POR: variants seen among roughly 807,000 people sequenced by gnomAD.
POR encodes the protein NADPH--cytochrome P450 reductase.
In POR, 56 loss-of-function variants were observed where a neutral mutation model predicts 84.0. The ratio of observed to expected loss-of-function variants is 0.67; its 90% CI spans 0.54 to 0.83. The LOEUF is 0.83. Among genes scored for constraint, POR ranks in the 40% least tolerant of loss-of-function variants. The pLI is 0.00. For synonymous variants in POR, 414 were observed against 400.5 expected, an observed-to-expected ratio of 1.03 and a Z score of -0.40; for missense variants, 938 against 944.3, an observed-to-expected ratio of 0.99 and a Z score of 0.09.
intron 3 of POR, among the ~76,000 whole-genome samples, chr7:75,976,206 C>A (rs1788678557): frequency 1.3e-5 from 2 of 152,086 alleles, no homozygotes; most frequent in African/African-American, 4.8e-5. Context: ...TAATCATGAG[C>A]ACTTTCTCTT....
chr7:75,937,471 C>CA (rs782343328), intron 1 of POR, among the ~76,000 whole-genome samples: 1,525 of 20,014 alleles, frequency 0.076, 172 homozygotes, highest in African/African-American at 0.14. Context: ...GACCCTGTCT[C>CA]AAAAAAAAAA....
chr7:75,928,263 C>T (rs568489172), intron 1 of POR, among the ~76,000 whole-genome samples: 1 of 152,294 alleles, frequency 6.6e-6, no homozygotes, highest in Non-Finnish European at 1.5e-5. Context: ...GCCACCACAC[C>T]CGGCTTCTAT....
chr7:75,976,200 C>T (rs1434741824), intron 3 of POR, among the ~76,000 whole-genome samples: 1 of 152,106 alleles, frequency 6.6e-6, no homozygotes, highest in Non-Finnish European at 1.5e-5. Flanking sequence ...ACCTGATAAT[C>T]ATGAGCACTT....
Position 75,984,886 on chromosome 7 carries a change from G to A in POR, c.1176G>A (p.Leu392=). The A allele has an allele frequency of 1.2e-6, 2 of 1,612,436 alleles. No individual in the cohort carries two copies. Among genetic ancestry groups the A allele is most frequent in the Non-Finnish European group, 1.7e-6 (2 of 1,179,708 alleles). Reference sequence around the variant, plus strand: ...CGCGTACCAACGTGCTGTACGAGCTGGCGCAGTACGCCTCGGAGCCCTCGG... The same window carrying A: ...CGCGTACCAACGTGCTGTACGAGCTAGCGCAGTACGCCTCGGAGCCCTCGG... Residue 392 remains leucine (L), a synonymous_variant, in exon 11 of 16, where the codon CTG becomes CTA. Transcript: ENST00000461988.
chr7:75,977,053 A>G (rs953193020), intron 3 of POR, among the ~76,000 whole-genome samples: 1 of 152,078 alleles, frequency 6.6e-6, no homozygotes, highest in Non-Finnish European at 1.5e-5. Flanking sequence ...GGGTTTTGCC[A>G]TGTTGCCCAG....
At chr7:75,939,349 C>G (rs1335275283) in intron 1 of POR, among the ~76,000 whole-genome samples, 1 of 152,188 alleles carries the variant, frequency 6.6e-6, no homozygotes, top group Non-Finnish European at 1.5e-5. Flanking sequence ...GCCAGCGGAG[C>G]CCTCGTGCGG....
intron 3 of POR, 75 bp from the exon 4 acceptor site, chr7:75,979,376 C>G: frequency 6.4e-7 from 1 of 1,561,800 alleles, no homozygotes; most frequent in Non-Finnish European, 8.7e-7. Flanking sequence ...GCCTGCCAGG[C>G]CTGCCCAGTG....
intron 2 of POR, among the ~76,000 whole-genome samples, chr7:75,961,504 A>C (rs1310536852): frequency 6.6e-6 from 1 of 152,132 alleles, no homozygotes; most frequent in African/African-American, 2.4e-5. Context: ...AGAGTGCTTT[A>C]AAGAAAAATA....
intron 1 of POR, among the ~76,000 whole-genome samples, chr7:75,937,471 CA>C (rs782343328): frequency 0.03 from 610 of 20,140 alleles, 1 homozygote; most frequent in African/African-American, 0.035. Flanking sequence ...GACCCTGTCT[CA>C]AAAAAAAAAA....
intron 5 of POR, chr7:75,980,691 C>T (rs1337287041): frequency 6.5e-7 from 1 of 1,530,522 alleles, no homozygotes; most frequent in Non-Finnish European, 8.7e-7. Context: ...CCCCAGTCGG[C>T]TCCAGGGGGC....
intron 1 of POR, among the ~76,000 whole-genome samples, chr7:75,949,998 G>A (rs1303518434): frequency 1.3e-5 from 2 of 151,792 alleles, no homozygotes; most frequent in East Asian, 3.9e-4. Context: ...CTGTTTCTGG[G>A]ACTACAGGTG....
intron 3 of POR, among the ~76,000 whole-genome samples, chr7:75,974,014 T>C (rs1175812833): frequency 6.6e-6 from 1 of 152,096 alleles, no homozygotes; most frequent in African/African-American, 2.4e-5. Context: ...CAAAACAACT[T>C]GATATGTCTC....
intron 2 of POR, among the ~76,000 whole-genome samples, chr7:75,970,086 G>A (rs1187309892): frequency 6.6e-6 from 1 of 152,138 alleles, no homozygotes; most frequent in East Asian, 1.9e-4. Flanking sequence ...GGAAATGTGA[G>A]TAGCTTAGCG....
chr7:75,975,420 G>T (rs1371110168), intron 3 of POR, among the ~76,000 whole-genome samples: 2 of 152,084 alleles, frequency 1.3e-5, no homozygotes, highest in Non-Finnish European at 2.9e-5. Context: ...TGGGCAGGTC[G>T]CTTGAGCCCA....
chr7:75,981,281 C>T, intron 6 of POR, 109 bp downstream of exon 6: 1 of 1,423,722 alleles, frequency 7.0e-7, no homozygotes, highest in Non-Finnish European at 9.3e-7. Context: ...CGACACGCAC[C>T]TCCAACACAG....
At chr7:75,985,534 A>G in intron 12 of POR, 45 bp from the exon 13 acceptor site, 1 of 1,481,852 alleles carries the variant, frequency 6.7e-7, no homozygotes, top group Non-Finnish European at 9.0e-7. Flanking sequence ...GGGGCTGGGC[A>G]AGGGCCTCGG....
Position 75,951,753 on chromosome 7 carries a change from T to C in POR, c.-4-2236T>C, listed in dbSNP as rs200406639. Among the ~76,000 whole-genome samples, 15 of 152,344 alleles carry C rather than the reference T, an allele frequency of 9.8e-5. No individual in the cohort carries two copies. The East Asian group carries it at 2.5e-3, about 26-fold the overall frequency. On this transcript the variant is annotated intron_variant, in intron 1 of 15. Coordinates refer to ENST00000461988, the MANE Select transcript of POR (RefSeq NM_000941.3). The stretch of plus-strand genomic sequence containing the variant: ...TCCATGATTGCAAAATGGAATAGTG[T>C]GAATTTCAGGGCTGAGCCCAGCCTC...
At position 75,986,036 on chromosome 7, in the gene POR, A is replaced by G; in HGVS notation, c.1783A>G (p.Asn595Asp). ...CAGGGACGGTGCGCTCACCCAGCTC[A>G]ACGTGGCCTTCTCCCGGGAGCAGTC... The change falls in exon 14 of 16, where the codon AAC becomes GAC. Residue 595 changes from asparagine (N) to aspartate (D), a missense_variant. Asn to Asp is a conservative substitution (Grantham distance 23). Coordinates refer to ENST00000461988, the MANE Select transcript of POR (RefSeq NM_000941.3). 1 of 1,560,930 alleles carries G rather than the reference A, an allele frequency of 6.4e-7. No homozygotes were observed. Among genetic ancestry groups the G allele is most frequent in the Non-Finnish European group, 8.7e-7 (1 of 1,153,486 alleles).
At chr7:75,981,736 G>A in intron 7 of POR, 130 bp downstream of exon 7, 3 of 776,918 alleles carry the variant, frequency 3.9e-6, no homozygotes, top group Non-Finnish European at 4.1e-6. Context: ...GTCGAGGAGG[G>A]ACCTTGGTCC....
Sources: gnomAD v4.1 joint callset for allele counts (sites outside exome capture counted in the v4.1 genomes callset) on GRCh38, gnomAD v4.1.1 for gene constraint, MANE v1.5 for transcripts, NCBI Gene and HGNC (gene_info 2026-07-23, HGNC 2026-07-21) for gene names.